WSB2: variants seen among roughly 807,000 people sequenced by gnomAD.
The protein encoded by WSB2 is WD repeat and SOCS box-containing protein 2.
In WSB2, 12 loss-of-function variants were observed where a neutral mutation model predicts 48.8. That is an observed-to-expected ratio of 0.25 (90% CI 0.16 to 0.40). The LOEUF (loss-of-function observed/expected upper bound fraction) is 0.40. Ranked by LOEUF, WSB2 falls within the 10% of genes least tolerant of loss-of-function variation. The probability of loss-of-function intolerance (pLI) is 1.00; values close to 1 mark genes in which losing one functional copy is unlikely to be tolerated. For synonymous variants in WSB2, 191 were observed against 203.1 expected (o/e 0.94, Z 0.51); for missense variants, 317 against 506.2 (o/e 0.63, Z 3.59).
At chr12:118,035,155 G>A in intron 7 of WSB2, 59 bp downstream of exon 7, 5 of 1,611,964 alleles carry the variant, frequency 3.1e-6, no homozygotes, top group Non-Finnish European at 4.2e-6. Flanking sequence ...AGAGGGCCTT[G>A]CTGCCATTAC....
At chr12:118,050,682 T>C (rs2031833598) in intron 2 of WSB2, among the ~76,000 whole-genome samples, 1 of 151,862 alleles carries the variant, frequency 6.6e-6, no homozygotes, top group Non-Finnish European at 1.5e-5. Context: ...TGGTTGATAA[T>C]AAAAAGACAA....
intron 2 of WSB2, among the ~76,000 whole-genome samples, chr12:118,047,912 A>G (rs1322798196): frequency 6.6e-6 from 1 of 152,098 alleles, no homozygotes; most frequent in Non-Finnish European, 1.5e-5. Context: ...TACTGCATAC[A>G]TGGTTTTACA....
In WSB2 at chr12:118,034,975, CAAAT is replaced by C. The variant is rs2031473453; in HGVS notation, c.1052+7_1052+10del. 6.2e-7 allele frequency: 1 copy of C among 1,613,544 alleles called. No individual in the cohort carries two copies. Among genetic ancestry groups the C allele is most frequent in the African/African-American group, 1.3e-5 (1 of 74,916 alleles). Reference sequence around the variant, plus strand: ...AAGCACCACCCATCTGTTCAGCTAACAAATACATACCCTGTGGCAATGACTCCAC... The same window carrying C: ...AAGCACCACCCATCTGTTCAGCTAACACATACCCTGTGGCAATGACTCCAC... On this transcript the variant is annotated splice_region_variant and intron_variant, in intron 8 of 8. Coordinates refer to ENST00000315436, the MANE Select transcript of WSB2 (RefSeq NM_018639.5).
intron 1 of WSB2, among the ~76,000 whole-genome samples, chr12:118,056,498 G>A (rs1282239899): frequency 6.6e-6 from 1 of 152,182 alleles, no homozygotes; most frequent in Non-Finnish European, 1.5e-5. Flanking sequence ...CAGGGAGCAA[G>A]AACTTTGTAT....
chr12:118,044,350 A>G (rs1280433523), intron 2 of WSB2, among the ~76,000 whole-genome samples: 2 of 152,184 alleles, frequency 1.3e-5, no homozygotes, highest in Non-Finnish European at 2.9e-5. Flanking sequence ...ACTAGGGCAG[A>G]ACTTAGAGGC....
rs921391634 is a variant in WSB2 at position 118,054,693 on chromosome 12, T to A, written c.14-2215A>T. On this transcript the variant is annotated intron_variant, in intron 1 of 8. Coordinates refer to ENST00000315436, the MANE Select transcript of WSB2 (RefSeq NM_018639.5). Reference sequence around the variant, plus strand: ...ACTCTGTCTCAAAAAATAATAATAATAATAATAATAATAATAATAATTCTA... The same window carrying A: ...ACTCTGTCTCAAAAAATAATAATAAAAATAATAATAATAATAATAATTCTA... 2.2e-4 allele frequency among the ~76,000 whole-genome samples: 25 copies of A among 113,092 alleles called. No homozygotes were observed. In the East Asian group the frequency reaches 2.8e-3, roughly 13 times the overall value. The allele number at this position is 113,092 out of a possible 152,430, so 74.2% of individuals were successfully genotyped here. A position where few individuals can be genotyped will look rare whatever the true frequency, so the allele number is the denominator to read the frequency against.
chr12:118,033,870 C>T lies in WSB2; in HGVS notation c.*326G>A. Reference sequence around the variant, plus strand: ...GAGGCTCTGGAGGCCTACTTAGTTGCATAATCAAAACAACATCAGTAACTG... The same window carrying T: ...GAGGCTCTGGAGGCCTACTTAGTTGTATAATCAAAACAACATCAGTAACTG... On this transcript the variant is annotated 3_prime_UTR_variant, in exon 9 of 9. Coordinates refer to ENST00000315436, the MANE Select transcript of WSB2 (RefSeq NM_018639.5). 3.3e-6 allele frequency: 1 copy of T among 307,332 alleles called. No individual in the cohort carries two copies. The highest frequency in any genetic ancestry group is 6.3e-6 in the Non-Finnish European group (1 of 159,682). 19.0% of individuals were successfully genotyped at this position (307,332 alleles called of 1,614,324 possible).
intron 1 of WSB2, among the ~76,000 whole-genome samples, chr12:118,058,773 T>C (rs569553856): frequency 1.8e-4 from 27 of 152,122 alleles, no homozygotes; most frequent in African/African-American, 6.3e-4. Flanking sequence ...CTTGGTTCAC[T>C]GCAACCTCCA....
In WSB2 at chr12:118,042,971, C is replaced by T. The variant is rs777750703; in HGVS notation, c.429G>A (p.Gly143=). The change falls in exon 4 of 9, where the codon GGG becomes GGA. Residue 143 remains glycine, a splice_region_variant and synonymous_variant. Transcript: ENST00000315436. ...GGCCGGAAAGATTCAAAAGCAGGAG[C>T]CCTGGCATGGGAGCAGGGGCACTGA... ...GQIKIWEVQT[G]LLLLNLSGHQ... 8.7e-6 allele frequency: 14 copies of T among 1,613,994 alleles called. No homozygotes were observed. Among genetic ancestry groups the T allele is most frequent in the Non-Finnish European group, 6.8e-6 (8 of 1,180,040 alleles).
At chr12:118,034,635 T>C in intron 8 of WSB2, 1 of 478,594 alleles carries the variant, frequency 2.1e-6, no homozygotes, top group Non-Finnish European at 3.7e-6. Flanking sequence ...AGTTCAAAAG[T>C]ATAAGGGGGA....
At chr12:118,036,998 A>G (rs1258436455) in intron 5 of WSB2, among the ~76,000 whole-genome samples, 1 of 152,152 alleles carries the variant, frequency 6.6e-6, no homozygotes, top group Admixed American at 6.5e-5. Flanking sequence ...CTTGGTCAAC[A>G]TGGCAAAACC....
At chr12:118,038,254 T>C in intron 5 of WSB2, 34 bp downstream of exon 5, 1 of 1,592,984 alleles carries the variant, frequency 6.3e-7, no homozygotes, top group Non-Finnish European at 8.6e-7. Context: ...CCTCCATGTC[T>C]CAGTGAATTA....
chr12:118,034,270 G>C lies in WSB2; in HGVS notation c.1141C>G (p.Leu381Val). 2 of 1,614,188 alleles carry C rather than the reference G, an allele frequency of 1.2e-6. No homozygotes were observed. The highest frequency in any genetic ancestry group is 1.7e-6 in the Non-Finnish European group (2 of 1,180,030). ...AGTGCTAGGACTTGGTAAGTTGTTA[G>C]GAAACTTCGAAGGGCTTTCCGGCAT... is the stretch of plus-strand genomic sequence containing the variant. Reference protein sequence around the residue: ...HLCRKALRSFLTTYQVLALPI... With the variant: ...HLCRKALRSFVTTYQVLALPI... The change falls in exon 9 of 9, where the codon CTA (leucine) becomes GTA (valine). Residue 381 changes from leucine to valine, a missense_variant. Physicochemically the swap from Leu to Val is conservative, Grantham distance 32 (BLOSUM62 1). This residue lies in a region of WSB2 where 189 missense variants were observed against 349.6 expected (regional missense o/e 0.54). Transcript: ENST00000315436.
rs1172443640 is a variant in WSB2, at chr12:118,060,833, C to T, written c.13+203G>A. On this transcript the variant is annotated intron_variant, in intron 1 of 8. Coordinates refer to ENST00000315436, the MANE Select transcript of WSB2 (RefSeq NM_018639.5). This position sits in a 1 kb window ranked among gnomAD's most constrained non-coding sequence, Gnocchi z 4.1. ...CGCCGGCGGGAGTCAGGGTGGCGGC[C>T]ACTGACAACGAAAGTGAAACAAAGC... Among the ~76,000 whole-genome samples the T allele has an allele frequency of 1.3e-5, 2 of 151,956 alleles. No individual in the cohort carries two copies. Among genetic ancestry groups the T allele is most frequent in the Non-Finnish European group, 2.9e-5 (2 of 67,918 alleles).
intron 4 of WSB2, among the ~76,000 whole-genome samples, chr12:118,041,743 T>C (rs2031640514): frequency 6.7e-6 from 1 of 149,322 alleles, no homozygotes; most frequent in Non-Finnish European, 1.5e-5. Context: ...CCCTCTCTTA[T>C]GTCACTTTTT....
intron 1 of WSB2, among the ~76,000 whole-genome samples, chr12:118,054,668 ACT>A (rs1173659341): frequency 6.0e-5 from 9 of 149,170 alleles, no homozygotes; most frequent in Non-Finnish European, 1.0e-4. Context: ...CAAGAGTGAA[ACT>A]CTGTCTCAAA....
chr12:118,034,659 C>T (rs61943488), intron 8 of WSB2: 9,407 of 490,906 alleles, frequency 0.019, 134 homozygotes, highest in Middle Eastern at 0.033. Context: ...GTGCCACCTA[C>T]TGAATTATAG....
At chr12:118,050,807 T>A (rs2031837253) in intron 2 of WSB2, among the ~76,000 whole-genome samples, 1 of 151,994 alleles carries the variant, frequency 6.6e-6, no homozygotes. Context: ...ATCCCAACAC[T>A]TTGGGAGGCC....
At chr12:118,042,796 T>A in intron 4 of WSB2, 45 bp downstream of exon 4, 1 of 1,595,928 alleles carries the variant, frequency 6.3e-7, no homozygotes. Context: ...AGAAAGCAAA[T>A]ACAGTATTTT....
Sources: allele counts gnomAD v4.1 joint callset (sites outside exome capture counted in the v4.1 genomes callset), GRCh38; gene constraint gnomAD v4.1.1; regional missense constraint gnomAD v4.1.1; non-coding constraint Gnocchi (gnomAD v3.1); transcripts MANE v1.5; gene names NCBI Gene and HGNC (gene_info 2026-07-23, HGNC 2026-07-21).